EML4: variants seen among roughly 807,000 people sequenced by gnomAD.
EML4 encodes the protein EMAP like 4, also known as echinoderm microtubule-associated protein-like 4.
Under a neutral mutation model 129.0 loss-of-function variants are expected in EML4, and 72 were observed. The ratio of observed to expected loss-of-function variants is 0.56; its 90% CI spans 0.46 to 0.68. The LOEUF is 0.68. EML4 is among the 30% of genes least tolerant of loss of function. The probability of loss-of-function intolerance (pLI) is 0.00; values close to 1 mark genes in which losing one functional copy is unlikely to be tolerated. For synonymous variants in EML4, 532 were observed against 405.0 expected, an observed-to-expected ratio of 1.31 and a Z score of -3.77; for missense variants, 1,363 against 1,190.6, an observed-to-expected ratio of 1.14 and a Z score of -2.13.
intron 19 of EML4, 105 bp downstream of exon 19, chr2:42,317,629 T>G (rs1016080129): frequency 2.0e-5 from 14 of 708,290 alleles, no homozygotes; most frequent in Middle Eastern, 2.6e-4. Context: ...CGTTAGCTGC[T>G]TTAATCTCTG....
At chr2:42,289,639 G>A (rs1207885990) in intron 11 of EML4, 1 of 152,120 alleles carries the variant, frequency 6.6e-6, no homozygotes, top group Non-Finnish European at 1.5e-5. Context: ...ACCTAAGCTA[G>A]AAACTTGGAC....
intron 4 of EML4, 43 bp from the exon 5 acceptor site, chr2:42,263,135 T>C: frequency 6.4e-7 from 1 of 1,552,560 alleles, no homozygotes; most frequent in Admixed American, 1.8e-5. Context: ...TACATGTCTT[T>C]GATACTCAGA....
At chr2:42,303,522 A>G (rs1668415361) in intron 16 of EML4, 76 bp downstream of exon 16, 2 of 1,511,820 alleles carry the variant, frequency 1.3e-6, no homozygotes, top group South Asian at 1.2e-5. Flanking sequence ...AGCAAAGTAA[A>G]AAGGACTAAG....
At chr2:42,322,934 T>C (rs1669595160) in intron 19 of EML4, among the ~76,000 whole-genome samples, 1 of 152,222 alleles carries the variant, frequency 6.6e-6, no homozygotes, top group South Asian at 2.1e-4. Context: ...CTAAGATCTT[T>C]TCTAAATTTG....
chr2:42,288,106 G>A (rs551841901), intron 10 of EML4, 121 bp from the exon 11 acceptor site: 22 of 452,214 alleles, frequency 4.9e-5, no homozygotes, highest in Admixed American at 2.7e-4. Flanking sequence ...TTCAGAGAGC[G>A]ATGAGTTTAA....
chr2:42,276,575 T>C (rs1430751619), intron 6 of EML4, among the ~76,000 whole-genome samples: 1 of 152,198 alleles, frequency 6.6e-6, no homozygotes, highest in East Asian at 1.9e-4. Context: ...TCATAAACAA[T>C]TGCTAAACAG....
chr2:42,278,573 CAAAAAAAAAAAAAAAAAA>C (rs35916382), intron 6 of EML4, among the ~76,000 whole-genome samples: 9 of 54,286 alleles, frequency 1.7e-4, no homozygotes, highest in African/African-American at 6.6e-4. Flanking sequence ...GACTCCATCT[CAAAAAAAAAAAAAAAAAA>C]AAAAAAAAAA....
rs1338466202 is a variant in EML4 at position 42,192,218 on chromosome 2, T to TTG, written c.25+22583_25+22584insGT. Among the ~76,000 whole-genome samples the TTG allele has an allele frequency of 1.8e-4, 27 of 150,644 alleles. No homozygotes were observed. In the East Asian group the frequency reaches 2.3e-3, roughly 13 times the overall value. On this transcript the variant is annotated intron_variant, in intron 1 of 22. Transcript: ENST00000318522. ...TTACTCTTTTCTTTGCTGGTTTTTTTTTGTTGTTTTTTTGTTTTTTTTTTT... is the reference window on the plus strand; with the variant it reads ...TTACTCTTTTCTTTGCTGGTTTTTTTTGTTGTTGTTTTTTTGTTTTTTTTTTT...
chr2:42,220,033 G>A (rs376404889), intron 1 of EML4, among the ~76,000 whole-genome samples: 1 of 151,860 alleles, frequency 6.6e-6, no homozygotes, highest in East Asian at 1.9e-4. Flanking sequence ...AGTATGTCTT[G>A]AAGATTTATT....
intron 11 of EML4, among the ~76,000 whole-genome samples, chr2:42,290,653 G>A (rs1667586608): frequency 6.6e-6 from 1 of 152,042 alleles, no homozygotes. Flanking sequence ...CATCAATTGA[G>A]CCCAGGAGAT....
intron 1 of EML4, among the ~76,000 whole-genome samples, chr2:42,173,580 G>A (rs988187559): frequency 5.3e-5 from 8 of 152,190 alleles, no homozygotes; most frequent in Non-Finnish European, 8.8e-5. Context: ...TAGGTGCAGT[G>A]GCTCACGCCT....
At chr2:42,260,256 C>G (rs547604757) in intron 3 of EML4, among the ~76,000 whole-genome samples, 4 of 152,260 alleles carry the variant, frequency 2.6e-5, no homozygotes, top group South Asian at 2.1e-4. Flanking sequence ...CAAACTCCGC[C>G]TCCCTGGCTC....
intron 7 of EML4, 67 bp downstream of exon 7, chr2:42,281,040 T>C (rs943671553): frequency 1.6e-6 from 2 of 1,266,122 alleles, no homozygotes; most frequent in Admixed American, 2.6e-5. Flanking sequence ...AGTTAACGTA[T>C]TCTCTGTCAA....
chr2:42,331,147 A>G lies in EML4; in HGVS notation c.*940A>G, dbSNP rs1670081845. 4.6e-6 allele frequency: 1 copy of G among 218,878 alleles called. No homozygotes were observed. Among genetic ancestry groups the G allele is most frequent in the Non-Finnish European group, 9.2e-6 (1 of 108,934 alleles). The allele number at this position is 218,878 out of a possible 1,614,324, so 13.6% of individuals were successfully genotyped here. On this transcript the variant is annotated 3_prime_UTR_variant, in exon 23 of 23. Coordinates refer to ENST00000318522, the MANE Select transcript of EML4 (RefSeq NM_019063.5). ...AGAAATATAAATACAGTAAGTTTAG[A>G]TTATTGAATTGGTGCTTGAAATTTA...
chr2:42,319,491 A>T (rs559365645), intron 19 of EML4: 1 of 152,312 alleles, frequency 6.6e-6, no homozygotes, highest in African/African-American at 2.4e-5. Context: ...AGGTTCAACT[A>T]TTCTGCGTTC....
chr2:42,328,995 G>T lies in EML4; in HGVS notation c.2451G>T (p.Gln817His). ...ACTTTTGTAAAGTCCATCTGTTTCA[G>T]TATCCCTGCTCCAAAGCAAAGGTAA... Reference protein sequence around the residue: ...ADDFCKVHLFQYPCSKAKAPS... With the variant: ...ADDFCKVHLFHYPCSKAKAPS... The change falls in exon 22 of 23, where the codon CAG becomes CAT. Residue 817 changes from glutamine (Q) to histidine (H), a missense_variant. Gln to His is a conservative substitution (Grantham distance 24, BLOSUM62 0). Coordinates refer to ENST00000318522, the MANE Select transcript of EML4 (RefSeq NM_019063.5). The T allele has an allele frequency of 6.2e-7, 1 of 1,612,692 alleles. No individual in the cohort carries two copies. Among genetic ancestry groups the T allele is most frequent in the Non-Finnish European group, 8.5e-7 (1 of 1,179,762 alleles).
chr2:42,222,565 T>C (rs1222352606), intron 1 of EML4, among the ~76,000 whole-genome samples: 1 of 152,152 alleles, frequency 6.6e-6, no homozygotes, highest in Non-Finnish European at 1.5e-5. Context: ...CTACAAAGCC[T>C]AAAATGTTTA....
chr2:42,207,589 T>G (rs904522063), intron 1 of EML4, among the ~76,000 whole-genome samples: 1 of 152,218 alleles, frequency 6.6e-6, no homozygotes. Flanking sequence ...TCCTACCCAG[T>G]TCTAATAAAT....
intron 1 of EML4, among the ~76,000 whole-genome samples, chr2:42,219,200 C>A (rs1250799095): frequency 6.6e-6 from 1 of 152,190 alleles, no homozygotes; most frequent in African/African-American, 2.4e-5. Flanking sequence ...TAAGGAAATA[C>A]AGTTGACCCT....
Sources: allele counts gnomAD v4.1 joint callset (sites outside exome capture counted in the v4.1 genomes callset), GRCh38; gene constraint gnomAD v4.1.1; transcripts MANE v1.5; gene names NCBI Gene and HGNC (gene_info 2026-07-23, HGNC 2026-07-21).